Variants in KIF16B observed in about 807,000 individuals in gnomAD.
KIF16B encodes the protein kinesin family member 16B.
A neutral mutation model predicts 156.3 loss-of-function variants in KIF16B; 98 were observed. The ratio of observed to expected loss-of-function variants is 0.63; its 90% confidence interval spans 0.53 to 0.74. The LOEUF (loss-of-function observed/expected upper bound fraction) is 0.74, where lower values mean the gene tolerates loss of function less well. Ranked by LOEUF, KIF16B falls within the 30% of genes least tolerant of loss-of-function variation. The probability of loss-of-function intolerance (pLI) is 0.00; values close to 1 mark genes in which losing one functional copy is unlikely to be tolerated. For missense variants in KIF16B, 1,421 were observed against 1,606.5 expected (o/e 0.88, Z 1.97); for synonymous variants, 564 against 583.7 (o/e 0.97, Z 0.49).
At chr20:16,299,965 C>T (rs2063447917) in intron 25 of KIF16B, among the ~76,000 whole-genome samples, 1 of 152,108 alleles carries the variant, frequency 6.6e-6, no homozygotes, top group South Asian at 2.1e-4. Context: ...AGACCCTCAA[C>T]CAAACACCGG....
At chr20:16,459,985 C>T (rs1287371321) in intron 12 of KIF16B, among the ~76,000 whole-genome samples, 1 of 152,004 alleles carries the variant, frequency 6.6e-6, no homozygotes, top group Admixed American at 6.6e-5. Flanking sequence ...AATAAGAGGA[C>T]ACAAAAATAG....
At chr20:16,382,887 C>A (rs1386589507) in intron 17 of KIF16B, among the ~76,000 whole-genome samples, 1 of 152,056 alleles carries the variant, frequency 6.6e-6, no homozygotes, top group Non-Finnish European at 1.5e-5. Context: ...TGTGCAAAAT[C>A]CTGATTGGAA....
At chr20:16,508,861 C>T (rs2068870245) in intron 6 of KIF16B, among the ~76,000 whole-genome samples, 7 of 152,142 alleles carry the variant, frequency 4.6e-5, no homozygotes. Context: ...TTTTTTAAAT[C>T]ATTTTAACAA....
intron 23 of KIF16B, among the ~76,000 whole-genome samples, chr20:16,355,594 A>G (rs1017727582): frequency 3.3e-5 from 5 of 152,222 alleles, no homozygotes; most frequent in African/African-American, 1.2e-4. Context: ...TCCTTGAAGA[A>G]AAAGAAGTGT....
At chr20:16,323,526 C>T (rs754050034) in intron 24 of KIF16B, among the ~76,000 whole-genome samples, 31 of 151,970 alleles carry the variant, frequency 2.0e-4, no homozygotes, top group Non-Finnish European at 3.8e-4. Flanking sequence ...AACAAATAAG[C>T]AATTCTCTTC....
At chr20:16,353,831 C>T (rs1403347946) in intron 23 of KIF16B, among the ~76,000 whole-genome samples, 2 of 152,222 alleles carry the variant, frequency 1.3e-5, no homozygotes, top group African/African-American at 4.8e-5. Flanking sequence ...AAGGCTTCCA[C>T]ACACCTACCT....
At chr20:16,513,380 C>T (rs1600590083) in intron 4 of KIF16B, among the ~76,000 whole-genome samples, 2 of 152,138 alleles carry the variant, frequency 1.3e-5, no homozygotes, top group African/African-American at 2.4e-5. Context: ...CCATGCTGGC[C>T]GGGTGCGGTG....
Position 16,399,159 on chromosome 20 carries a change from G to A in KIF16B, c.1784+5654C>T, listed in dbSNP as rs557417247. ...ATGGGGTTAAGGGTCTCCAGACTCC[G>A]CACTTCTCAGCAGGGCTTGGTCACC... On this transcript the variant is annotated intron_variant, in intron 17 of 25. Coordinates refer to ENST00000354981, the MANE Select transcript of KIF16B (RefSeq NM_024704.5). Among the ~76,000 whole-genome samples, 16 of 152,230 alleles carry A rather than the reference G, an allele frequency of 1.1e-4. No homozygotes were observed. In the East Asian group the frequency reaches 2.5e-3, roughly 24 times the overall value.
rs139621699 is a variant in KIF16B at position 16,301,639 on chromosome 20, T to C, written c.3795+10696A>G. Among the ~76,000 whole-genome samples, 46 of 152,242 alleles carry C rather than the reference T, an allele frequency of 3.0e-4. No individual in the cohort carries two copies. The East Asian group carries it at 3.1e-3, about 10-fold the overall frequency. ...TGTATATCTTCTTTGGTGAGATGTCTGTCCAAGTCTTTTGCCCATTTTTTT... is the reference window on the plus strand; with the variant it reads ...TGTATATCTTCTTTGGTGAGATGTCCGTCCAAGTCTTTTGCCCATTTTTTT... On this transcript the variant is annotated intron_variant, in intron 25 of 25. Coordinates refer to ENST00000354981, the MANE Select transcript of KIF16B (RefSeq NM_024704.5).
At chr20:16,297,040 GTTC>G (rs987095312) in intron 25 of KIF16B, among the ~76,000 whole-genome samples, 42 of 152,200 alleles carry the variant, frequency 2.8e-4, no homozygotes, top group African/African-American at 9.9e-4. Context: ...TGAACCATCA[GTTC>G]TTCTTGGGAC....
chr20:16,457,716 A>G (rs1166029611), intron 12 of KIF16B, among the ~76,000 whole-genome samples: 3 of 152,134 alleles, frequency 2.0e-5, no homozygotes, highest in Non-Finnish European at 4.4e-5. Context: ...TTTCCAGCTC[A>G]GTGTGTTTAT....
At chr20:16,354,871 G>A (rs6135738) in intron 23 of KIF16B, among the ~76,000 whole-genome samples, 102,972 of 151,770 alleles carry the variant, frequency 0.68, 36,168 homozygotes, top group East Asian at 0.97. Context: ...TCTTGAACCC[G>A]GGAGGCGGAG....
chr20:16,556,387 C>A (rs1192017814), intron 1 of KIF16B, among the ~76,000 whole-genome samples: 2 of 152,246 alleles, frequency 1.3e-5, no homozygotes, highest in Non-Finnish European at 2.9e-5. Context: ...ACTATGCCCA[C>A]TGTGGCCTCG....
intron 12 of KIF16B, among the ~76,000 whole-genome samples, chr20:16,437,490 TA>T (rs1292090982): frequency 6.6e-6 from 1 of 151,866 alleles, no homozygotes; most frequent in African/African-American, 2.4e-5. Context: ...AAGAACAGAG[TA>T]AAAAGGGGGA....
chr20:16,382,608 AAC>A (rs1277687690), intron 17 of KIF16B, among the ~76,000 whole-genome samples: 1 of 152,218 alleles, frequency 6.6e-6, no homozygotes, highest in African/African-American at 2.4e-5. Context: ...CTAAAATAAT[AAC>A]ACAAGCTGAT....
chr20:16,457,229 C>A (rs1030372644), intron 12 of KIF16B, among the ~76,000 whole-genome samples: 1 of 151,988 alleles, frequency 6.6e-6, no homozygotes. Flanking sequence ...AGAACAACAA[C>A]AACAACAAAA....
intron 6 of KIF16B, 95 bp from the exon 7 acceptor site, chr20:16,508,195 A>G (rs1158160880): frequency 7.2e-7 from 1 of 1,387,586 alleles, no homozygotes; most frequent in Non-Finnish European, 1.0e-6. Context: ...CAACTCCAAA[A>G]TCTGCTGACC....
chr20:16,537,974 G>A (rs73597780), intron 1 of KIF16B, among the ~76,000 whole-genome samples: 1 of 151,936 alleles, frequency 6.6e-6, no homozygotes, highest in African/African-American at 2.4e-5. Flanking sequence ...AAAGTGTTAG[G>A]GTTACAGGCA....
At chr20:16,508,458 G>A (rs1475998980) in intron 6 of KIF16B, among the ~76,000 whole-genome samples, 1 of 152,200 alleles carries the variant, frequency 6.6e-6, no homozygotes, top group Non-Finnish European at 1.5e-5. Flanking sequence ...ACAGATAGGG[G>A]TAGGGGGAAC....
Sources: gnomAD v4.1 joint callset for allele counts (sites outside exome capture counted in the v4.1 genomes callset) on GRCh38, gnomAD v4.1.1 for gene constraint, MANE v1.5 for transcripts, NCBI Gene and HGNC (gene_info 2026-07-23, HGNC 2026-07-21) for gene names.